TANC1: variants seen among roughly 807,000 people sequenced by gnomAD.
TANC1 encodes the protein tetratricopeptide repeat, ankyrin repeat and coiled-coil containing 1, also known as protein TANC1.
A neutral mutation model predicts 149.7 loss-of-function variants in TANC1; 77 were observed. That is an observed-to-expected ratio of 0.51 (90% CI 0.43 to 0.62). The LOEUF (loss-of-function observed/expected upper bound fraction) is 0.62, where lower values mean the gene tolerates loss of function less well. Among genes scored for constraint, TANC1 ranks in the 20% least tolerant of loss-of-function variants. The pLI, the probability that TANC1 is intolerant of heterozygous loss-of-function variation, is 0.00. For missense variants in TANC1, 1,985 were observed against 2,321.8 expected (o/e 0.85, Z 2.98); for synonymous variants, 854 against 925.0 (o/e 0.92, Z 1.39).
intron 1 of TANC1, among the ~76,000 whole-genome samples, chr2:158,985,001 A>T (rs1216725440): frequency 6.6e-6 from 1 of 152,110 alleles, no homozygotes; most frequent in Admixed American, 6.5e-5. Context: ...GAGATGATGT[A>T]ATCAGATCTG....
intron 4 of TANC1, among the ~76,000 whole-genome samples, chr2:159,124,365 G>A (rs1394287422): frequency 2.0e-5 from 3 of 152,172 alleles, no homozygotes; most frequent in Non-Finnish European, 4.4e-5. Context: ...ACAAGCCTGA[G>A]TGGGGCATCG....
intron 1 of TANC1, among the ~76,000 whole-genome samples, chr2:158,982,521 C>T (rs2034495757): frequency 1.3e-5 from 2 of 152,372 alleles, no homozygotes; most frequent in African/African-American, 2.4e-5. Context: ...AGGCTTAGCA[C>T]CGTGCATGGA....
chr2:159,044,805 G>A (rs1422867223), intron 2 of TANC1, among the ~76,000 whole-genome samples: 1 of 152,222 alleles, frequency 6.6e-6, no homozygotes, highest in African/African-American at 2.4e-5. Context: ...CCAAATTGCT[G>A]TGAGTTCTTG....
At chr2:159,169,884 T>C (rs950330509) in intron 9 of TANC1, among the ~76,000 whole-genome samples, 3 of 152,006 alleles carry the variant, frequency 2.0e-5, no homozygotes, top group African/African-American at 4.8e-5. Context: ...TCACAGCTAC[T>C]TGGGAGGCTG....
intron 2 of TANC1, among the ~76,000 whole-genome samples, chr2:159,028,627 C>T (rs1467252291): frequency 6.6e-6 from 1 of 152,168 alleles, no homozygotes; most frequent in African/African-American, 2.4e-5. Context: ...CAATGTTATA[C>T]AGCTGATTTC....
chr2:159,217,070 G>C (rs2059395136), intron 19 of TANC1, among the ~76,000 whole-genome samples: 1 of 152,166 alleles, frequency 6.6e-6, no homozygotes, highest in South Asian at 2.1e-4. Context: ...GGCTTTAGCT[G>C]GGGCAGCTTG....
intron 3 of TANC1, among the ~76,000 whole-genome samples, chr2:159,086,794 C>T (rs941627815): frequency 6.6e-6 from 1 of 152,154 alleles, no homozygotes; most frequent in Non-Finnish European, 1.5e-5. Context: ...TTACTGACTG[C>T]CTTCGAACTT....
chr2:158,994,091 C>T (rs1574013169), intron 1 of TANC1, among the ~76,000 whole-genome samples: 2 of 152,136 alleles, frequency 1.3e-5, no homozygotes, highest in Non-Finnish European at 2.9e-5. Flanking sequence ...GGATTTCTAT[C>T]TCAGGGTAAT....
intron 3 of TANC1, among the ~76,000 whole-genome samples, 178 bp downstream of exon 3, chr2:159,066,149 T>G (rs1422756582): frequency 1.3e-5 from 2 of 152,206 alleles, no homozygotes; most frequent in African/African-American, 4.8e-5. Context: ...GACCCACACC[T>G]GTAATCCCAG....
In TANC1 at chr2:159,150,433, A is replaced by G. The variant is rs2052654492; in HGVS notation, c.559A>G (p.Ser187Gly). 1.9e-6 allele frequency: 3 copies of G among 1,614,178 alleles called. No individual in the cohort carries two copies. The highest frequency in any genetic ancestry group is 2.5e-6 in the Non-Finnish European group (3 of 1,180,026). Reference protein sequence around the residue: ...STLTSSTASPSTDSPCSTLNS... With the variant: ...STLTSSTASPGTDSPCSTLNS... ...ACTAACAAGCAGCACCGCATCTCCT[A>G]GCACCGATAGCCCCTGCTCAACCTT... Residue 187 changes from serine (S) to glycine (G), a missense_variant, in exon 7 of 27, where the codon AGC becomes GGC. Physicochemically the swap from Ser to Gly is moderately conservative, Grantham distance 56. Coordinates refer to ENST00000263635, the MANE Select transcript of TANC1 (RefSeq NM_033394.3).
chr2:158,979,861 G>C (rs2034100743), intron 1 of TANC1, among the ~76,000 whole-genome samples: 1 of 152,170 alleles, frequency 6.6e-6, no homozygotes, highest in East Asian at 1.9e-4. Flanking sequence ...TGTAGAAAGA[G>C]TCTGACTTAT....
At chr2:158,977,909 C>T (rs1404022495) in intron 1 of TANC1, among the ~76,000 whole-genome samples, 1 of 152,134 alleles carries the variant, frequency 6.6e-6, no homozygotes, top group African/African-American at 2.4e-5. Flanking sequence ...CCTCACCCTA[C>T]CACCACCACT....
chr2:159,100,748 G>T (rs573363776), intron 4 of TANC1, among the ~76,000 whole-genome samples: 2 of 152,126 alleles, frequency 1.3e-5, no homozygotes, highest in Non-Finnish European at 2.9e-5. Context: ...TTTAAAAATG[G>T]CAGTGACTCA....
rs1049237227 is a variant in TANC1 at position 159,105,237 on chromosome 2, G to A, written c.259+7403G>A. 7.4e-5 allele frequency among the ~76,000 whole-genome samples: 11 copies of A among 148,292 alleles called. No individual in the cohort carries two copies. In the East Asian group the frequency reaches 8.3e-4, roughly 11 times the overall value. ...TCTCGATCTCCTGATCCCATGATCCGCCCACCTCGGCCTCCCAGAGTGCTG... is the reference window on the plus strand; with the variant it reads ...TCTCGATCTCCTGATCCCATGATCCACCCACCTCGGCCTCCCAGAGTGCTG... On this transcript the variant is annotated intron_variant, in intron 4 of 26. Transcript: ENST00000263635.
intron 1 of TANC1, among the ~76,000 whole-genome samples, chr2:158,970,998 T>C (rs1559084223): frequency 6.6e-6 from 1 of 152,220 alleles, no homozygotes; most frequent in African/African-American, 2.4e-5. Flanking sequence ...ATATAACTGA[T>C]TCATAGTCAG....
At chr2:159,204,034 T>C (rs2058439747) in intron 19 of TANC1, among the ~76,000 whole-genome samples, 1 of 152,228 alleles carries the variant, frequency 6.6e-6, no homozygotes, top group African/African-American at 2.4e-5. Flanking sequence ...CATGTGGCTA[T>C]TGAGTACTTG....
chr2:158,996,470 G>A (rs576426629), intron 1 of TANC1, among the ~76,000 whole-genome samples: 10 of 152,250 alleles, frequency 6.6e-5, no homozygotes, highest in African/African-American at 2.2e-4. Flanking sequence ...TTGTACACAC[G>A]CAGTGTGTAT....
At chr2:159,110,186 T>A (rs2047586362) in intron 4 of TANC1, among the ~76,000 whole-genome samples, 1 of 152,186 alleles carries the variant, frequency 6.6e-6, no homozygotes, top group Non-Finnish European at 1.5e-5. Context: ...GTTGAGACTA[T>A]GGAGAAAATT....
chr2:159,091,321 C>T (rs373234560), intron 3 of TANC1, among the ~76,000 whole-genome samples: 3 of 152,118 alleles, frequency 2.0e-5, no homozygotes, highest in East Asian at 1.9e-4. Flanking sequence ...TAATTTGTGG[C>T]GTGGCTGTGA....
Sources: gnomAD v4.1 joint callset for allele counts (sites outside exome capture counted in the v4.1 genomes callset) on GRCh38, gnomAD v4.1.1 for gene constraint, MANE v1.5 for transcripts, NCBI Gene and HGNC (gene_info 2026-07-23, HGNC 2026-07-21) for gene names.